HFM1: variants seen among roughly 807,000 people sequenced by gnomAD.
The protein encoded by HFM1 is helicase for meiosis 1.
HFM1 carries 169 observed loss-of-function variants against 192.1 expected under a neutral mutation model. That is an observed-to-expected ratio of 0.88 (90% confidence interval 0.78 to 1.00). HFM1 has a LOEUF of 1.00. Among genes scored for constraint, HFM1 ranks in the 50% least tolerant of loss-of-function variants. The pLI is 0.00. For synonymous variants in HFM1, 525 were observed against 537.8 expected, an observed-to-expected ratio of 0.98 and a Z score of 0.33; for missense variants, 1,661 against 1,668.0, an observed-to-expected ratio of 1.00 and a Z score of 0.07.
chr1:91,331,952 A>G (rs1398489157), intron 20 of HFM1, among the ~76,000 whole-genome samples: 2 of 152,182 alleles, frequency 1.3e-5, no homozygotes, highest in Admixed American at 6.5e-5. Flanking sequence ...AAGAAATTGA[A>G]GAGGACACCA....
At chr1:91,317,430 A>G (rs1651425867) in intron 25 of HFM1, among the ~76,000 whole-genome samples, 2 of 152,010 alleles carry the variant, frequency 1.3e-5, no homozygotes, top group African/African-American at 4.8e-5. Context: ...AAACAAACAA[A>G]CAACAAAAAA....
intron 30 of HFM1, among the ~76,000 whole-genome samples, chr1:91,290,881 C>T (rs1318303436): frequency 6.6e-6 from 1 of 152,142 alleles, no homozygotes; most frequent in African/African-American, 2.4e-5. Context: ...CAAACTAGAA[C>T]TCAGGATTAA....
At chr1:91,393,717 T>C (rs1444240322) in intron 4 of HFM1, among the ~76,000 whole-genome samples, 2 of 152,066 alleles carry the variant, frequency 1.3e-5, no homozygotes, top group Non-Finnish European at 2.9e-5. Context: ...TCCTCCATAC[T>C]GGGGCCAAAA....
chr1:91,298,884 T>C (rs1479557252), intron 30 of HFM1, among the ~76,000 whole-genome samples: 10 of 152,154 alleles, frequency 6.6e-5, no homozygotes, highest in Admixed American at 3.3e-4. Context: ...CATCCACTAA[T>C]GAGCAAAATA....
At chr1:91,267,089 C>G (rs1665840950) in intron 35 of HFM1, among the ~76,000 whole-genome samples, 2 of 152,114 alleles carry the variant, frequency 1.3e-5, no homozygotes, top group Admixed American at 1.3e-4. Flanking sequence ...TAATGGGAGA[C>G]AGTATCTCCA....
At position 91,353,075 on chromosome 1, in the gene HFM1, T is replaced by G. The variant is rs201052208; in HGVS notation, c.1807A>C (p.Thr603Pro). 1 of 1,606,968 alleles carries G rather than the reference T, an allele frequency of 6.2e-7. No individual in the cohort carries two copies. The highest frequency in any genetic ancestry group is 1.3e-5 in the African/African-American group (1 of 74,818). ...SDRKVVEGAF[T>P]VGDLPVLFTT... ...CAAAGAACTGGTAAATCTCCAACAG[T>G]AAAAGCTCCCTCAACTACTTTTCTA... The change falls in exon 15 of 39, where the codon ACT (threonine) becomes CCT (proline). Residue 603 changes from threonine to proline, a missense_variant. By Grantham distance (38) the Thr-to-Pro change is conservative. Transcript: ENST00000370425.
At position 91,401,005 on chromosome 1, in the gene HFM1, G is replaced by A. The variant is rs775861902; in HGVS notation, c.71+7C>T. The A allele has an allele frequency of 7.0e-7, 1 of 1,421,048 alleles. No homozygotes were observed. Among genetic ancestry groups the A allele is most frequent in the Non-Finnish European group, 9.7e-7 (1 of 1,034,854 alleles). 88.0% of individuals were successfully genotyped at this position (1,421,048 alleles called of 1,614,324 possible). A position where few individuals can be genotyped will look rare whatever the true frequency, so the allele number is the denominator to read the frequency against. ...TACTATGCTATCAATCTTTAAGGGA[G>A]ACTTACTTTTCAACTTCATCTGGTT... On this transcript the variant is annotated splice_region_variant and intron_variant, in intron 2 of 38. Coordinates refer to ENST00000370425, the MANE Select transcript of HFM1 (RefSeq NM_001017975.6).
chr1:91,372,912 C>T (rs1660425750), intron 13 of HFM1, among the ~76,000 whole-genome samples: 1 of 151,992 alleles, frequency 6.6e-6, no homozygotes, highest in Non-Finnish European at 1.5e-5. Context: ...CTCATTCTGT[C>T]TTGCTCTCTA....
intron 5 of HFM1, 47 bp from the exon 6 acceptor site, chr1:91,385,281 A>G: frequency 4.5e-6 from 5 of 1,106,538 alleles, no homozygotes; most frequent in Non-Finnish European, 6.7e-6. Flanking sequence ...AAAAAAAATT[A>G]ATGGTCAGAA....
Position 91,350,770 on chromosome 1 carries a change from T to C in HFM1, c.2174A>G (p.Tyr725Cys). 1 of 1,611,836 alleles carries C rather than the reference T, an allele frequency of 6.2e-7. No homozygotes were observed. Among genetic ancestry groups the C allele is most frequent in the Non-Finnish European group, 8.5e-7 (1 of 1,178,918 alleles). ...AGATGGATTTTTCAAGGCTCTGATA[T>C]AAAGCAGAGTTGATCGTATCCATTC... ...AVEWIRSTLL[Y>C]IRALKNPSHY... Residue 725 changes from tyrosine to cysteine, a missense_variant, in exon 18 of 39, where the codon TAT becomes TGT. Coordinates refer to ENST00000370425, the MANE Select transcript of HFM1 (RefSeq NM_001017975.6).
intron 34 of HFM1, 94 bp from the exon 35 acceptor site, chr1:91,267,949 T>A: frequency 4.3e-6 from 3 of 700,754 alleles, no homozygotes; most frequent in Non-Finnish European, 7.2e-6. Flanking sequence ...TGAGAGACTT[T>A]CTCATTTGAA....
At chr1:91,373,409 CAAT>C (rs1228531478) in intron 13 of HFM1, among the ~76,000 whole-genome samples, 1 of 152,086 alleles carries the variant, frequency 6.6e-6, no homozygotes, top group African/African-American at 2.4e-5. Flanking sequence ...AAGTTATTAA[CAAT>C]AATAATAAGT....
chr1:91,373,654 G>A (rs965368136), intron 13 of HFM1, among the ~76,000 whole-genome samples: 1 of 151,534 alleles, frequency 6.6e-6, no homozygotes, highest in Non-Finnish European at 1.5e-5. Context: ...GGTACCCCCC[G>A]ACCCCTACTC....
intron 21 of HFM1, among the ~76,000 whole-genome samples, chr1:91,324,229 GT>G (rs1444113713): frequency 6.6e-6 from 1 of 152,034 alleles, no homozygotes; most frequent in Non-Finnish European, 1.5e-5. Flanking sequence ...TGTTCTCACT[GT>G]TCTCACCCAA....
intron 30 of HFM1, among the ~76,000 whole-genome samples, chr1:91,309,178 C>G (rs1002137531): frequency 2.0e-5 from 3 of 152,152 alleles, no homozygotes; most frequent in African/African-American, 7.2e-5. Context: ...CAATACTATT[C>G]AGAGAGCATG....
At chr1:91,335,098 A>C (rs960474994) in intron 20 of HFM1, among the ~76,000 whole-genome samples, 14 of 152,298 alleles carry the variant, frequency 9.2e-5, no homozygotes, top group Admixed American at 6.5e-4. Context: ...CTGAAGAAGA[A>C]AAGATTTTTG....
At chr1:91,348,761 T>G (rs988527274) in intron 18 of HFM1, among the ~76,000 whole-genome samples, 2 of 151,900 alleles carry the variant, frequency 1.3e-5, no homozygotes, top group East Asian at 1.9e-4. Context: ...CTCTACAATT[T>G]TTTTTTTCAA....
chr1:91,321,205 G>A (rs1652052633), intron 23 of HFM1, among the ~76,000 whole-genome samples: 2 of 152,222 alleles, frequency 1.3e-5, no homozygotes, highest in African/African-American at 4.8e-5. Flanking sequence ...ACTTTGGGAG[G>A]CCGAGGCAGG....
chr1:91,295,599 A>G (rs1398233175), intron 30 of HFM1, among the ~76,000 whole-genome samples: 1 of 152,222 alleles, frequency 6.6e-6, no homozygotes, highest in Admixed American at 6.5e-5. Context: ...GGAATTCAGC[A>G]TATTTATTTG....
Sources: gnomAD v4.1 joint callset for allele counts (sites outside exome capture counted in the v4.1 genomes callset) on GRCh38, gnomAD v4.1.1 for gene constraint, MANE v1.5 for transcripts, NCBI Gene and HGNC (gene_info 2026-07-23, HGNC 2026-07-21) for gene names.